Variants in PDZD4 observed in about 807,000 individuals in gnomAD.
The protein encoded by PDZD4 is PDZ domain containing 4, also known as PDZ domain-containing protein 4.
In PDZD4, 9 loss-of-function variants were observed where a neutral mutation model predicts 38.5. That is an observed-to-expected ratio of 0.23 (90% CI 0.14 to 0.41). The LOEUF (loss-of-function observed/expected upper bound fraction) is 0.41, where lower values mean the gene tolerates loss of function less well. Among genes scored for constraint, PDZD4 ranks in the 10% least tolerant of loss-of-function variants. The pLI, the probability that PDZD4 is intolerant of heterozygous loss-of-function variation, is 1.00. For synonymous variants in PDZD4, 349 were observed against 315.7 expected, an observed-to-expected ratio of 1.11 and a Z score of -1.12; for missense variants, 612 against 722.0, an observed-to-expected ratio of 0.85 and a Z score of 1.75.
Position 153,803,964 on chromosome X carries a change from G to A in PDZD4, c.1717C>T (p.Leu573Phe), listed in dbSNP as rs2092194263. The A allele has an allele frequency of 1.7e-6, 2 of 1,161,789 alleles. No individual in the cohort carries two copies. The highest frequency in any genetic ancestry group is 1.8e-5 in the African/African-American group (1 of 56,091). The stretch of plus-strand genomic sequence containing the variant: ...CCCTGGCCGCGGTGGCGCCGCGAGA[G>A]GTAAGGGCTGCTTTCAGGGCCCACA... Reference protein sequence around the residue: ...ERVGPESSPYLSRRHRGQGQE... With the variant: ...ERVGPESSPYFSRRHRGQGQE... Residue 573 changes from leucine to phenylalanine, a missense_variant, in exon 8 of 8, where the codon CTC becomes TTC. By Grantham distance (22) the Leu-to-Phe change is conservative. This residue lies in a region of PDZD4 where 300 missense variants were observed against 284.6 expected (regional missense o/e 1.05). Coordinates refer to ENST00000393758, the MANE Select transcript of PDZD4 (RefSeq NM_001303512.2).
intron 1 of PDZD4, among the ~76,000 whole-genome samples, chrX:153,819,509 G>A (rs1004795122): frequency 8.9e-6 from 1 of 112,291 alleles, no homozygotes; most frequent in African/African-American, 3.2e-5. Flanking sequence ...CTGCCACGGA[G>A]GTGGGGGGGC....
chrX:153,827,404 C>G (rs1169505360), intron 1 of PDZD4, among the ~76,000 whole-genome samples: 1 of 112,350 alleles, frequency 8.9e-6, no homozygotes, highest in Non-Finnish European at 1.9e-5. Context: ...AAAGCAAGGA[C>G]TCAAACAGAT....
In PDZD4 at chrX:153,803,437, G is replaced by A. The variant is rs926733236; in HGVS notation, c.2244C>T (p.Thr748=). 1 of 1,149,101 alleles carries A rather than the reference G, an allele frequency of 8.7e-7. No individual in the cohort carries two copies. The highest frequency in any genetic ancestry group is 2.8e-5 in the Admixed American group (1 of 35,721). The allele number at this position is 1,149,101 out of a possible 1,213,427, so 94.7% of individuals were successfully genotyped here. A position where few individuals can be genotyped will look rare whatever the true frequency, so the allele number is the denominator to read the frequency against. ...CGCCGTGGGCCAGCATCTCCTGGAT[G>A]GTGATCCAGTTGTCCAGGATCTTCT... ...RNKKILDNWI[T]IQEMLAHGAR... is the part of the protein sequence containing the mutation. Residue 748 remains threonine (T), a synonymous_variant, in exon 8 of 8, where the codon ACC becomes ACT. Transcript: ENST00000393758.
At chrX:153,829,711 G>A in intron 1 of PDZD4, 1 of 754,503 alleles carries the variant, frequency 1.3e-6, no homozygotes, top group Non-Finnish European at 1.6e-6. Flanking sequence ...CCAACCCGCT[G>A]ATCCCGGCGG....
chrX:153,803,958 G>A lies in PDZD4; in HGVS notation c.1723C>T (p.Arg575Trp), dbSNP rs1484395643. The A allele has an allele frequency of 1.4e-5, 16 of 1,162,923 alleles. No homozygotes were observed. Among genetic ancestry groups the A allele is most frequent in the South Asian group, 9.5e-5 (5 of 52,368 alleles). ...TCCTGGCCCTGGCCGCGGTGGCGCC[G>A]CGAGAGGTAAGGGCTGCTTTCAGGG... ...VGPESSPYLS[R>W]RHRGQGQEGE... Residue 575 changes from arginine (R) to tryptophan (W), a missense_variant, in exon 8 of 8, where the codon CGG (arginine) becomes TGG (tryptophan). Physicochemically the swap from Arg to Trp is moderately radical, Grantham distance 101 (BLOSUM62 -3). Transcript: ENST00000393758.
At chrX:153,821,415 GT>G (rs1252276846) in intron 1 of PDZD4, among the ~76,000 whole-genome samples, 1 of 108,558 alleles carries the variant, frequency 9.2e-6, no homozygotes, top group African/African-American at 3.4e-5. Context: ...CTCTATGTGT[GT>G]TTTTTTACCC....
chrX:153,807,845 G>A, intron 2 of PDZD4: 3 of 977,042 alleles, frequency 3.1e-6, no homozygotes, highest in Non-Finnish European at 4.0e-6. Flanking sequence ...TGGCCCTGTG[G>A]CCTACCTCCC....
Position 153,807,294 on chromosome X carries a change from A to G in PDZD4, c.390T>C (p.Asp130=). 8.3e-7 allele frequency: 1 copy of G among 1,208,653 alleles called. No homozygotes were observed. Among genetic ancestry groups the G allele is most frequent in the African/African-American group, 1.7e-5 (1 of 57,814 alleles). The change falls in exon 3 of 8, where the codon GAT becomes GAC. Residue 130 remains aspartate, a synonymous_variant. Transcript: ENST00000393758. ...CCCGGCTCACCTCATACTCCAGCTC[A>G]TCCAAGCGGTCTGCCTCCTGCGGGC... is the stretch of plus-strand genomic sequence containing the variant. The part of the protein sequence containing the change: ...EGGPQEADRL[D]ELEYEEVELY...
At chrX:153,808,708 C>G (rs1472390996) in intron 1 of PDZD4, 113 bp from the exon 2 acceptor site, 11 of 911,120 alleles carry the variant, frequency 1.2e-5, no homozygotes, top group Non-Finnish European at 1.6e-5. Context: ...CACCCCAAGC[C>G]ACTCAAGCAA....
intron 1 of PDZD4, among the ~76,000 whole-genome samples, chrX:153,809,382 C>T (rs782708936): frequency 1.5e-4 from 17 of 112,391 alleles, no homozygotes; most frequent in East Asian, 8.4e-4. Flanking sequence ...GTCAGGAGAT[C>T]GAGACCATCC....
At chrX:153,806,215 C>T (rs1557077005) in intron 4 of PDZD4, 82 bp from the exon 5 acceptor site, 1 of 994,998 alleles carries the variant, frequency 1.0e-6, no homozygotes, top group Non-Finnish European at 1.4e-6. Context: ...CAGGGGCCCC[C>T]AAAGCAAGCT....
In PDZD4 at chrX:153,804,139, G is replaced by A. The variant is rs1557075854; in HGVS notation, c.1542C>T (p.Gly514=). 3 of 1,150,739 alleles carry A rather than the reference G, an allele frequency of 2.6e-6. No individual in the cohort carries two copies. The Admixed American group carries it at 7.8e-5, about 30-fold the overall frequency. The allele number at this position is 1,150,739 out of a possible 1,213,427, so 94.8% of individuals were successfully genotyped here. A position where few individuals can be genotyped will look rare whatever the true frequency, so the allele number is the denominator to read the frequency against. Residue 514 remains glycine (G), a synonymous_variant, in exon 8 of 8, where the codon GGC becomes GGT. Transcript: ENST00000393758. ...CCTTGGCGGGGGTGGCAACAGCGGG[G>A]CCGGGAGGGGTCCGGTTCAAGTTGG... ...GNSNLNRTPP[G]PAVATPAKAA...
chrX:153,804,480 G>C lies in PDZD4; in HGVS notation c.1201C>G (p.Leu401Val). Reference sequence around the variant, plus strand: ...TCCAGCATGGCCATCTCGTGGCCCAGGCTCTCGTTGCGGTTGACGTCCAGG... The same window carrying C: ...TCCAGCATGGCCATCTCGTGGCCCACGCTCTCGTTGCGGTTGACGTCCAGG... ...SALDVNRNES[L>V]GHEMAMLEEE... The change falls in exon 8 of 8, where the codon CTG becomes GTG. Residue 401 changes from leucine (L) to valine (V), a missense_variant. This residue lies in a region of PDZD4 where 300 missense variants were observed against 284.6 expected (regional missense o/e 1.05). Coordinates refer to ENST00000393758, the MANE Select transcript of PDZD4 (RefSeq NM_001303512.2). 1.7e-6 allele frequency: 2 copies of C among 1,210,317 alleles called. No homozygotes were observed. The highest frequency in any genetic ancestry group is 2.2e-6 in the Non-Finnish European group (2 of 895,578).
At chrX:153,804,930 T>G (rs374476047) in intron 7 of PDZD4, 30 bp from the exon 8 acceptor site, 105 of 1,179,032 alleles carry the variant, frequency 8.9e-5, no homozygotes, top group Non-Finnish European at 1.2e-4. Flanking sequence ...ACCGCTCAGT[T>G]AGGTCCCACG....
chrX:153,818,122 T>C (rs781824554), intron 1 of PDZD4, among the ~76,000 whole-genome samples: 2 of 111,641 alleles, frequency 1.8e-5, no homozygotes, highest in South Asian at 7.5e-4. Flanking sequence ...GGCAGGCACC[T>C]GTAATCCCAA....
At chrX:153,814,737 C>T (rs2064344456) in intron 1 of PDZD4, among the ~76,000 whole-genome samples, 1 of 111,050 alleles carries the variant, frequency 9.0e-6, no homozygotes, top group Admixed American at 9.6e-5. Context: ...CTTGTCCCCC[C>T]TCGCCCAGGT....
intron 6 of PDZD4, 79 bp from the exon 7 acceptor site, chrX:153,805,286 C>T: frequency 1.0e-6 from 1 of 956,096 alleles, no homozygotes; most frequent in Non-Finnish European, 1.5e-6. Context: ...GGACCCCGCA[C>T]TTGGCTTGTT....
chrX:153,813,438 A>T (rs1457867690), intron 1 of PDZD4, among the ~76,000 whole-genome samples: 1 of 112,337 alleles, frequency 8.9e-6, no homozygotes, highest in Non-Finnish European at 1.9e-5. Context: ...CACCAGGAGG[A>T]CCAGGAGGAT....
At chrX:153,810,589 C>T (rs1454800673) in intron 1 of PDZD4, among the ~76,000 whole-genome samples, 2 of 112,862 alleles carry the variant, frequency 1.8e-5, no homozygotes, top group Admixed American at 9.3e-5. Flanking sequence ...TCTGCTTTTC[C>T]GAGTTGTGCG....
Sources: allele counts gnomAD v4.1 joint callset (sites outside exome capture counted in the v4.1 genomes callset), GRCh38; gene constraint gnomAD v4.1.1; regional missense constraint gnomAD v4.1.1; transcripts MANE v1.5; gene names NCBI Gene and HGNC (gene_info 2026-07-23, HGNC 2026-07-21).